Variants in IL22RA1 observed in about 807,000 individuals in gnomAD.
IL22RA1 encodes the protein interleukin-22 receptor subunit alpha-1.
In IL22RA1, 25 loss-of-function variants were observed where a neutral mutation model predicts 32.8. The ratio of observed to expected loss-of-function variants is 0.76; its 90% CI spans 0.55 to 1.06. IL22RA1 has a LOEUF of 1.06. Ranked by LOEUF, IL22RA1 falls within the 50% of genes least tolerant of loss-of-function variation. The pLI is 0.00. For missense variants in IL22RA1, 709 were observed against 727.4 expected, an observed-to-expected ratio of 0.97 and a Z score of 0.29; for synonymous variants, 305 against 305.0, an observed-to-expected ratio of 1.00 and a Z score of 0.00.
chr1:24,143,051 C>T lies in IL22RA1; in HGVS notation c.32G>A (p.Gly11Glu). 1 of 1,613,372 alleles carries T rather than the reference C, an allele frequency of 6.2e-7. No individual in the cohort carries two copies. Among genetic ancestry groups the T allele is most frequent in the South Asian group, 1.1e-5 (1 of 90,728 alleles). Reference sequence around the variant, plus strand: ...AGATGGGCACTCACCAGCCAGGGATCCCACAGTCAAGATGGTCAGCAGCGT... The same window carrying T: ...AGATGGGCACTCACCAGCCAGGGATTCCACAGTCAAGATGGTCAGCAGCGT... MRTLLTILTV[G>E]SLAAHAPEDP... The change falls in exon 1 of 7, where the codon GGA becomes GAA. Residue 11 changes from glycine (G) to glutamate (E), a missense_variant. By Grantham distance (98) the Gly-to-Glu change is moderately conservative (BLOSUM62 -2). Coordinates refer to ENST00000270800, the MANE Select transcript of IL22RA1 (RefSeq NM_021258.4).
intron 1 of IL22RA1, among the ~76,000 whole-genome samples, chr1:24,140,742 G>C (rs1416329866): frequency 3.3e-5 from 5 of 152,238 alleles, no homozygotes; most frequent in African/African-American, 1.2e-4. Context: ...CGGGAAAATG[G>C]CGGCCCAAGC....
intron 1 of IL22RA1, 135 bp from the exon 2 acceptor site, chr1:24,138,849 T>A (rs1429932585): frequency 4.7e-6 from 5 of 1,069,478 alleles, no homozygotes; most frequent in Non-Finnish European, 6.7e-6. Flanking sequence ...GCCTGGTGGG[T>A]GGGCAGGGAG....
chr1:24,142,171 G>C (rs1644286031), intron 1 of IL22RA1, among the ~76,000 whole-genome samples: 1 of 152,162 alleles, frequency 6.6e-6, no homozygotes, highest in Non-Finnish European at 1.5e-5. Flanking sequence ...CACAGAGCTG[G>C]AAGCCCTGGA....
At chr1:24,134,764 G>T in intron 3 of IL22RA1, 1 of 793,274 alleles carries the variant, frequency 1.3e-6, no homozygotes, top group Non-Finnish European at 1.5e-6. Context: ...GGATGTCAAT[G>T]ACATCAACTA....
chr1:24,142,383 G>T (rs1398437182), intron 1 of IL22RA1, among the ~76,000 whole-genome samples: 1 of 152,234 alleles, frequency 6.6e-6, no homozygotes, highest in Non-Finnish European at 1.5e-5. Flanking sequence ...AGAGTCTAGG[G>T]TCTCATGTAA....
chr1:24,125,132 C>T (rs1291483555), intron 5 of IL22RA1, among the ~76,000 whole-genome samples: 1 of 147,698 alleles, frequency 6.8e-6, no homozygotes, highest in African/African-American at 2.4e-5. Context: ...AGTGGTTGAA[C>T]TCCTACTACA....
rs3795300 is a variant in IL22RA1, at chr1:24,120,724, G to A, written c.*81C>T. 844,133 of 1,310,466 alleles carry A rather than the reference G, an allele frequency of 0.64. 274,794 individuals are homozygous for A. The highest frequency in any genetic ancestry group is 0.79 in the South Asian group (54,957 of 69,892). The allele number at this position is 1,310,466 out of a possible 1,614,324, so 81.2% of individuals were successfully genotyped here. On this transcript the variant is annotated 3_prime_UTR_variant, in exon 7 of 7. Coordinates refer to ENST00000270800, the MANE Select transcript of IL22RA1 (RefSeq NM_021258.4). Reference sequence around the variant, plus strand: ...GAGGCCAGATCGCAGAGTGTGTGGCGTGGGCAGGCATGGGATTGACAGCCA... The same window carrying A: ...GAGGCCAGATCGCAGAGTGTGTGGCATGGGCAGGCATGGGATTGACAGCCA...
At chr1:24,124,576 C>A (rs7355055) in intron 5 of IL22RA1, among the ~76,000 whole-genome samples, 28,678 of 151,980 alleles carry the variant, frequency 0.19, 3,046 homozygotes, top group Middle Eastern at 0.29. Context: ...AGAGTCAAGA[C>A]CCCTGCAGTC....
At chr1:24,128,427 T>G (rs1489486398) in intron 4 of IL22RA1, 148 bp from the exon 5 acceptor site, 1 of 922,380 alleles carries the variant, frequency 1.1e-6, no homozygotes, top group Non-Finnish European at 1.7e-6. Flanking sequence ...CCCTTCTGCT[T>G]TATCCCCAAA....
In IL22RA1 at chr1:24,120,598, C is replaced by G. The variant is rs892294356; in HGVS notation, c.*207G>C. The G allele has an allele frequency of 3.7e-6, 2 of 543,190 alleles. No homozygotes were observed. Among genetic ancestry groups the G allele is most frequent in the African/African-American group, 1.9e-5 (1 of 53,174 alleles). 33.6% of individuals were successfully genotyped at this position (543,190 alleles called of 1,614,324 possible). A position where few individuals can be genotyped will look rare whatever the true frequency, so the allele number is the denominator to read the frequency against. On this transcript the variant is annotated 3_prime_UTR_variant, in exon 7 of 7. Coordinates refer to ENST00000270800, the MANE Select transcript of IL22RA1 (RefSeq NM_021258.4). The stretch of plus-strand genomic sequence containing the variant: ...ACACAAGCTGCTCCCCAGAGCTCCC[C>G]CGCTGCAGTCCTTATCATGCTGCTT...
intron 5 of IL22RA1, among the ~76,000 whole-genome samples, chr1:24,125,669 C>T (rs781206159): frequency 2.0e-5 from 3 of 152,146 alleles, no homozygotes; most frequent in East Asian, 1.9e-4. Flanking sequence ...AGCAGCTGTG[C>T]GGTCACAGGG....
intron 4 of IL22RA1, among the ~76,000 whole-genome samples, chr1:24,131,090 C>T (rs540519126): frequency 6.6e-6 from 1 of 152,146 alleles, no homozygotes; most frequent in East Asian, 1.9e-4. Flanking sequence ...TAGAAAATCT[C>T]AGTAGAATAT....
Position 24,135,556 on chromosome 1 carries a change from T to A in IL22RA1, c.356-1170A>T, listed in dbSNP as rs541236268. On this transcript the variant is annotated intron_variant, in intron 3 of 6. Coordinates refer to ENST00000270800, the MANE Select transcript of IL22RA1 (RefSeq NM_021258.4). Reference sequence around the variant, plus strand: ...GTTTGGCAACTATATTAGTCCATTCTCACACTGCTAATAAAGACACACCTC... The same window carrying A: ...GTTTGGCAACTATATTAGTCCATTCACACACTGCTAATAAAGACACACCTC... Among the ~76,000 whole-genome samples the A allele has an allele frequency of 6.2e-4, 95 of 152,350 alleles. 1 individual carries two copies. In the South Asian group the frequency reaches 0.018, roughly 30 times the overall value.
intron 5 of IL22RA1, 60 bp downstream of exon 5, chr1:24,128,081 G>A: frequency 6.8e-7 from 1 of 1,467,096 alleles, no homozygotes; most frequent in Non-Finnish European, 9.0e-7. Context: ...AGGGAGGAAA[G>A]AGAAGAGTCA....
At chr1:24,141,332 G>C (rs1644279926) in intron 1 of IL22RA1, among the ~76,000 whole-genome samples, 1 of 152,178 alleles carries the variant, frequency 6.6e-6, no homozygotes, top group South Asian at 2.1e-4. Context: ...GGTCAGACCT[G>C]AACAGTGGCT....
intron 4 of IL22RA1, among the ~76,000 whole-genome samples, chr1:24,131,662 A>G (rs553729095): frequency 1.5e-4 from 23 of 152,362 alleles, no homozygotes; most frequent in African/African-American, 5.0e-4. Context: ...ATCCACAATT[A>G]TAGTTGGAGA....
At chr1:24,134,509 C>G in intron 3 of IL22RA1, 123 bp from the exon 4 acceptor site, 2 of 641,208 alleles carry the variant, frequency 3.1e-6, no homozygotes, top group Non-Finnish European at 4.7e-6. Context: ...GCCAGCTATG[C>G]TTCTGAAAGC....
intron 3 of IL22RA1, among the ~76,000 whole-genome samples, chr1:24,135,288 A>G (rs1644234344): frequency 6.6e-6 from 1 of 152,234 alleles, no homozygotes; most frequent in African/African-American, 2.4e-5. Flanking sequence ...CCAGATTGCA[A>G]AGTAGATACG....
In IL22RA1 at chr1:24,137,255, C is replaced by T. The variant is rs148516044; in HGVS notation, c.231G>A (p.Lys77=). The T allele has an allele frequency of 1.2e-6, 2 of 1,614,166 alleles. No homozygotes were observed. Among genetic ancestry groups the T allele is most frequent in the Non-Finnish European group, 1.7e-6 (2 of 1,180,036 alleles). ...AKKGCQRITR[K]SCNLTVETGN... Reference sequence around the variant, plus strand: ...CCGTCTCCACCGTCAGGTTGCAGGACTTCCGGGTGATCCGCTGACAGCCCT... The same window carrying T: ...CCGTCTCCACCGTCAGGTTGCAGGATTTCCGGGTGATCCGCTGACAGCCCT... Residue 77 remains lysine (K), a synonymous_variant, in exon 3 of 7, where the codon AAG becomes AAA. Transcript: ENST00000270800.
Sources: gnomAD v4.1 joint callset for allele counts (sites outside exome capture counted in the v4.1 genomes callset) on GRCh38, gnomAD v4.1.1 for gene constraint, MANE v1.5 for transcripts, NCBI Gene and HGNC (gene_info 2026-07-23, HGNC 2026-07-21) for gene names.